The following ARSG variants were observed in gnomAD, a reference collection of about 807,000 sequenced individuals.
ARSG encodes the protein ASG.
ARSG carries 37 observed loss-of-function variants against 50.5 expected under a neutral mutation model. The ratio of observed to expected loss-of-function variants is 0.73; its 90% CI spans 0.56 to 0.96. The LOEUF is 0.96. ARSG is among the 50% of genes least tolerant of loss of function. The pLI is 0.00. For synonymous variants in ARSG, 225 were observed against 254.6 expected (o/e 0.88, Z 1.11); for missense variants, 629 against 675.3 (o/e 0.93, Z 0.76).
At position 68,275,914 on chromosome 17, in the gene ARSG, C is replaced by T. The variant is rs1266338182; in HGVS notation, c.-552+16488C>T. Among the ~76,000 whole-genome samples the T allele has an allele frequency of 4.7e-5, 7 of 149,922 alleles. No individual in the cohort carries two copies. In the East Asian group the frequency reaches 7.9e-4, roughly 17 times the overall value. Reference sequence around the variant, plus strand: ...AGGAGAATCACTTGAACCTGGGAGGCGGAGGTTGCAGTGAGCTGAGACCGC... The same window carrying T: ...AGGAGAATCACTTGAACCTGGGAGGTGGAGGTTGCAGTGAGCTGAGACCGC... On this transcript the variant is annotated intron_variant, in intron 1 of 11. Transcript: ENST00000448504.
chr17:68,434,373 G>C, the ARSG span, among the ~76,000 whole-genome samples: 1 of 152,024 alleles, frequency 6.6e-6, no homozygotes, highest in South Asian at 2.1e-4. Context: ...ACAGCATCTC[G>C]GCTTTCAGTT....
At chr17:68,360,268 G>C (rs1163145601) in intron 6 of ARSG, among the ~76,000 whole-genome samples, 1 of 152,200 alleles carries the variant, frequency 6.6e-6, no homozygotes, top group African/African-American at 2.4e-5. Context: ...CAGAAATGCT[G>C]ATTTCTTTGG....
chr17:68,402,686 G>A (rs911705921), intron 11 of ARSG, among the ~76,000 whole-genome samples: 2 of 151,770 alleles, frequency 1.3e-5, no homozygotes, highest in Non-Finnish European at 2.9e-5. Flanking sequence ...CACCTCGCCC[G>A]CCTTATTTTT....
At chr17:68,317,038 G>A (rs1568459405) in intron 2 of ARSG, among the ~76,000 whole-genome samples, 1 of 152,004 alleles carries the variant, frequency 6.6e-6, no homozygotes, top group Non-Finnish European at 1.5e-5. Context: ...CACACGATTC[G>A]TTTTTTGTTT....
chr17:68,429,535 A>C, the ARSG span, among the ~76,000 whole-genome samples: 1 of 152,098 alleles, frequency 6.6e-6, no homozygotes, highest in African/African-American at 2.4e-5. Context: ...ATCCGTATTG[A>C]AGTCAGATAG....
chr17:68,306,864 T>A (rs2076629082), intron 1 of ARSG, 79 bp from the exon 2 acceptor site: 1 of 152,274 alleles, frequency 6.6e-6, no homozygotes. Context: ...GAAAAGTGAT[T>A]ATTTCCTAAG....
At chr17:68,375,872 C>CT (rs1414587318) in intron 8 of ARSG, among the ~76,000 whole-genome samples, 6 of 151,990 alleles carry the variant, frequency 3.9e-5, no homozygotes, top group African/African-American at 1.5e-4. Flanking sequence ...GTTCAACGAT[C>CT]TTTTCAGTTT....
chr17:68,373,299 G>A (rs1242673163), intron 8 of ARSG, among the ~76,000 whole-genome samples: 1 of 150,782 alleles, frequency 6.6e-6, no homozygotes, highest in African/African-American at 2.4e-5. Flanking sequence ...GCATGATCTC[G>A]GCTCACTGCA....
At chr17:68,346,993 T>A in intron 3 of ARSG, 132 bp from the exon 4 acceptor site, 1 of 1,546,330 alleles carries the variant, frequency 6.5e-7, no homozygotes. Flanking sequence ...GTACACCACA[T>A]TGCAGCTTCT....
At chr17:68,397,732 G>A (rs1364734408) in intron 10 of ARSG, among the ~76,000 whole-genome samples, 1 of 152,070 alleles carries the variant, frequency 6.6e-6, no homozygotes, top group Non-Finnish European at 1.5e-5. Context: ...TATTCTAGAC[G>A]TGTATGCATA....
At chr17:68,264,617 A>G (rs2075123363) in intron 1 of ARSG, among the ~76,000 whole-genome samples, 1 of 151,848 alleles carries the variant, frequency 6.6e-6, no homozygotes, top group Admixed American at 6.6e-5. Flanking sequence ...TTGTATTTTT[A>G]GTAGAGATGG....
intron 4 of ARSG, among the ~76,000 whole-genome samples, chr17:68,348,516 T>A (rs2078612591): frequency 6.6e-6 from 1 of 152,170 alleles, no homozygotes. Flanking sequence ...TTCATGCTTA[T>A]GTCCAAGTTC....
intron 2 of ARSG, among the ~76,000 whole-genome samples, chr17:68,308,233 G>A (rs2076684282): frequency 6.6e-6 from 1 of 152,176 alleles, no homozygotes; most frequent in Admixed American, 6.5e-5. Flanking sequence ...TGGAATTGGT[G>A]GGTTCTTGGT....
At chr17:68,390,406 G>C (rs955498994) in intron 9 of ARSG, among the ~76,000 whole-genome samples, 2 of 152,120 alleles carry the variant, frequency 1.3e-5, no homozygotes, top group Non-Finnish European at 2.9e-5. Flanking sequence ...TTTTCATAAG[G>C]GCAATGCAAC....
intron 2 of ARSG, among the ~76,000 whole-genome samples, chr17:68,316,273 A>T (rs1029991237): frequency 6.6e-6 from 1 of 151,976 alleles, no homozygotes; most frequent in Non-Finnish European, 1.5e-5. Flanking sequence ...GCTCTCCAAC[A>T]TTGCCTTCCT....
downstream of ARSG, chr17:68,422,102 C>T (rs2082824192): frequency 7.5e-6 from 3 of 398,274 alleles, no homozygotes; most frequent in East Asian, 8.9e-5. Context: ...GCTCATCTTA[C>T]TTGTAAACAT....
downstream of ARSG, chr17:68,426,254 G>GGGGGCCCCCCCCC: frequency 2.4e-6 from 2 of 816,922 alleles, no homozygotes. Context: ...GGGAGCGGGG[G>GGGGGCCCCCCCCC]CTCAAATAAA....
chr17:68,312,698 G>A (rs1447127174), intron 2 of ARSG, among the ~76,000 whole-genome samples: 2 of 152,102 alleles, frequency 1.3e-5, no homozygotes, highest in African/African-American at 2.4e-5. Context: ...TGAGGTCGAC[G>A]GCTTTTCATT....
At chr17:68,442,485 G>A in the ARSG span, among the ~76,000 whole-genome samples, 1 of 150,832 alleles carries the variant, frequency 6.6e-6, no homozygotes, top group East Asian at 1.9e-4. Flanking sequence ...AAAAAAAAAG[G>A]AGAAACATCT....
Sources: allele counts gnomAD v4.1 joint callset (sites outside exome capture counted in the v4.1 genomes callset), GRCh38; gene constraint gnomAD v4.1.1; transcripts MANE v1.5; gene names NCBI Gene and HGNC (gene_info 2026-07-23, HGNC 2026-07-21).